The following TRPM3 variants were observed in gnomAD, a reference collection of about 807,000 sequenced individuals.
TRPM3 encodes transient receptor potential cation channel subfamily M member 3.
Under a neutral mutation model 181.2 loss-of-function variants are expected in TRPM3, and 77 were observed. That is an observed-to-expected ratio of 0.42 (90% CI 0.35 to 0.51). The LOEUF (loss-of-function observed/expected upper bound fraction) is 0.51, where lower values mean the gene tolerates loss of function less well. TRPM3 is among the 20% of genes least tolerant of loss of function. TRPM3 has a pLI of 0.01. For missense variants in TRPM3, 1,759 were observed against 2,196.7 expected, an observed-to-expected ratio of 0.80 and a Z score of 3.98; for synonymous variants, 745 against 796.4, an observed-to-expected ratio of 0.94 and a Z score of 1.09.
chr9:71,111,477 G>A (rs534751791), intron 1 of TRPM3, among the ~76,000 whole-genome samples: 2 of 152,218 alleles, frequency 1.3e-5, no homozygotes, highest in South Asian at 2.1e-4. Flanking sequence ...ATGGCATCGC[G>A]GGGGTTGGGG....
At chr9:70,978,261 G>C (rs2097326811) in intron 1 of TRPM3, among the ~76,000 whole-genome samples, 1 of 152,160 alleles carries the variant, frequency 6.6e-6, no homozygotes. Context: ...TGACTAACCT[G>C]CATATACAAA....
intron 1 of TRPM3, among the ~76,000 whole-genome samples, chr9:71,171,380 G>A (rs1340131476): frequency 6.6e-6 from 1 of 152,060 alleles, no homozygotes; most frequent in East Asian, 1.9e-4. Flanking sequence ...AAAACTTGCT[G>A]GTTTTTGTGG....
chr9:70,603,327 T>C lies in TRPM3; in HGVS notation c.2796+15A>G, dbSNP rs1483648802. On this transcript the variant is annotated intron_variant, in intron 20 of 25. Transcript: ENST00000677713. ...ACTGTCTTTCTCTTACGTTTTCTTT[T>C]ATAAAAGCCGTTACCTCTCTCATCT... 5 of 1,608,648 alleles carry C rather than the reference T, an allele frequency of 3.1e-6. No homozygotes were observed. The East Asian group carries it at 1.1e-4, about 36-fold the overall frequency.
At chr9:70,638,916 A>C in intron 11 of TRPM3, 144 bp downstream of exon 11, 1 of 920,986 alleles carries the variant, frequency 1.1e-6, no homozygotes, top group Non-Finnish European at 1.6e-6. Context: ...TTTGTCATCT[A>C]TGTAGGTCTA....
At chr9:70,851,847 G>A (rs558380386) in intron 3 of TRPM3, among the ~76,000 whole-genome samples, 33 of 152,252 alleles carry the variant, frequency 2.2e-4, no homozygotes, top group Admixed American at 2.1e-3. Flanking sequence ...GCCAGGCGCA[G>A]TGACTCACAC....
chr9:71,367,868 C>T (rs572442308), intron 1 of TRPM3, among the ~76,000 whole-genome samples: 8 of 152,138 alleles, frequency 5.3e-5, no homozygotes, highest in African/African-American at 1.7e-4. Context: ...GCCCTCCTAA[C>T]GGTTATTTTC....
At chr9:71,069,290 C>A (rs560802672) in intron 1 of TRPM3, among the ~76,000 whole-genome samples, 1 of 152,216 alleles carries the variant, frequency 6.6e-6, no homozygotes, top group South Asian at 2.1e-4. Context: ...GATTCTCCTG[C>A]CTCAGCCTCC....
At position 70,862,897 on chromosome 9, in the gene TRPM3, T is replaced by C. The variant is rs1688808267; in HGVS notation, c.462+11A>G. ...TAGCATTTGGGAGCAACTGAATGGC[T>C]TTCTGATTACCATGGCTTTGTTGGA... On this transcript the variant is annotated intron_variant, in intron 3 of 25. Transcript: ENST00000677713. The C allele has an allele frequency of 3.1e-6, 5 of 1,612,874 alleles. No individual in the cohort carries two copies. The highest frequency in any genetic ancestry group is 4.2e-6 in the Non-Finnish European group (5 of 1,179,352).
At chr9:70,686,686 T>TTCCTTCCTTCC (rs2066913165) in intron 8 of TRPM3, among the ~76,000 whole-genome samples, 1 of 58,826 alleles carries the variant, frequency 1.7e-5, no homozygotes, top group Non-Finnish European at 3.3e-5. Context: ...TCCTTCCTTC[T>TTCCTTCCTTCC]TTCCTTCCTT....
In TRPM3 at chr9:71,309,300, T is replaced by A. The variant is rs561663701; in HGVS notation, c.183+137353A>T. On this transcript the variant is annotated intron_variant, in intron 1 of 24. Transcript: ENST00000357533. ...TTTTGTTTCGTATTCATGGCAGAAT[T>A]TCTATGTTTCATGGATTTTCTTAAT... Among the ~76,000 whole-genome samples the A allele has an allele frequency of 2.6e-5, 4 of 152,300 alleles. No homozygotes were observed. The South Asian group carries it at 8.3e-4, about 32-fold the overall frequency.
At chr9:71,292,845 A>T (rs1232378997) in intron 1 of TRPM3, among the ~76,000 whole-genome samples, 1 of 151,948 alleles carries the variant, frequency 6.6e-6, no homozygotes, top group African/African-American at 2.4e-5. Flanking sequence ...AATGAAAAAT[A>T]ACAGGCCAAT....
At chr9:70,755,335 A>C (rs987687148) in intron 8 of TRPM3, among the ~76,000 whole-genome samples, 1 of 151,992 alleles carries the variant, frequency 6.6e-6, no homozygotes. Context: ...CAGAAACCCT[A>C]CAAGTCAGAA....
chr9:70,978,826 A>G (rs1590243468), intron 1 of TRPM3, among the ~76,000 whole-genome samples: 1 of 152,244 alleles, frequency 6.6e-6, no homozygotes, highest in African/African-American at 2.4e-5. Flanking sequence ...GTCTTCAACA[A>G]AAAGCATCGA....
intron 1 of TRPM3, among the ~76,000 whole-genome samples, chr9:71,352,949 A>C (rs747697561): frequency 6.6e-6 from 1 of 152,134 alleles, no homozygotes; most frequent in African/African-American, 2.4e-5. Flanking sequence ...TCCTGGAGTC[A>C]AACTATCCTG....
At chr9:70,694,154 G>C (rs1050572339) in intron 8 of TRPM3, among the ~76,000 whole-genome samples, 2 of 152,210 alleles carry the variant, frequency 1.3e-5, no homozygotes, top group African/African-American at 4.8e-5. Flanking sequence ...TGTGTCACTG[G>C]TCACTGCCTT....
rs1396581645 is a variant in TRPM3, at chr9:71,292,594, T to C, written c.183+154059A>G. On this transcript the variant is annotated intron_variant, in intron 1 of 24. Transcript: ENST00000357533. ...TTACTATCAGTCTGTTAAGAAGAGA[T>C]TGGAGAAATAGAAAATTAGAATAAT... Among the ~76,000 whole-genome samples, 4 of 151,820 alleles carry C rather than the reference T, an allele frequency of 2.6e-5. No individual in the cohort carries two copies. In the East Asian group the frequency reaches 7.7e-4, roughly 29 times the overall value.
intron 1 of TRPM3, among the ~76,000 whole-genome samples, chr9:71,099,394 A>G (rs2067908158): frequency 6.6e-6 from 1 of 152,206 alleles, no homozygotes; most frequent in South Asian, 2.1e-4. Context: ...GGGGGTATAC[A>G]CATTCAGACC....
chr9:70,529,191 A>T lies in TRPM3; in HGVS notation c.*6762T>A, dbSNP rs1159894279. The T allele has an allele frequency of 1.3e-5, 2 of 152,272 alleles. No individual in the cohort carries two copies. The highest frequency in any genetic ancestry group is 3.9e-4 in the East Asian group (2 of 5,188). The allele number at this position is 152,272 out of a possible 1,614,324, so 9.4% of individuals were successfully genotyped here. A position where few individuals can be genotyped will look rare whatever the true frequency, so the allele number is the denominator to read the frequency against. On this transcript the variant is annotated 3_prime_UTR_variant, in exon 26 of 26. Transcript: ENST00000677713. Reference sequence around the variant, plus strand: ...ATCTAAACAATCAAACTCAAAGTGCATTGTGAATCCAATAATAGACCTTTA... The same window carrying T: ...ATCTAAACAATCAAACTCAAAGTGCTTTGTGAATCCAATAATAGACCTTTA...
At chr9:71,327,992 T>A (rs1053233208) in intron 1 of TRPM3, among the ~76,000 whole-genome samples, 1 of 151,812 alleles carries the variant, frequency 6.6e-6, no homozygotes, top group African/African-American at 2.4e-5. Flanking sequence ...GGAGATGAAC[T>A]GTTCTCTGGA....
Sources: allele counts gnomAD v4.1 joint callset (sites outside exome capture counted in the v4.1 genomes callset), GRCh38; gene constraint gnomAD v4.1.1; transcripts MANE v1.5; gene names NCBI Gene and HGNC (gene_info 2026-07-23, HGNC 2026-07-21).